The following HIVEP2 variants were observed in gnomAD, a reference collection of about 807,000 sequenced individuals.
HIVEP2 encodes HIVEP zinc finger 2, also known as transcription factor HIVEP2.
A neutral mutation model predicts 180.7 loss-of-function variants in HIVEP2; 14 were observed. The observed-to-expected ratio is 0.08, with a 90% CI of 0.05 to 0.12. The LOEUF (loss-of-function observed/expected upper bound fraction) is 0.12, where lower values mean the gene tolerates loss of function less well. HIVEP2 is among the 10% of genes least tolerant of loss of function. HIVEP2 has a pLI of 1.00. For synonymous variants in HIVEP2, 1,184 were observed against 1,136.4 expected, an observed-to-expected ratio of 1.04 and a Z score of -0.84; for missense variants, 2,579 against 3,008.5, an observed-to-expected ratio of 0.86 and a Z score of 3.34.
At chr6:142,938,864 C>T (rs183347022) in intron 1 of HIVEP2, among the ~76,000 whole-genome samples, 1 of 152,306 alleles carries the variant, frequency 6.6e-6, no homozygotes, top group African/African-American at 2.4e-5. Context: ...ATTTCAAATA[C>T]ACTGCACTAC....
intron 1 of HIVEP2, among the ~76,000 whole-genome samples, chr6:142,846,738 T>C (rs1376768212): frequency 4.6e-5 from 7 of 152,160 alleles, no homozygotes; most frequent in Non-Finnish European, 1.0e-4. Context: ...ACAGAAATAG[T>C]TCAGTAATCA....
intron 1 of HIVEP2, among the ~76,000 whole-genome samples, chr6:142,875,278 C>T (rs540797245): frequency 2.0e-5 from 3 of 152,164 alleles, no homozygotes; most frequent in African/African-American, 7.2e-5. Context: ...CAAAAACAAG[C>T]TCAGCAAGTT....
chr6:142,838,775 C>T (rs879931945), intron 1 of HIVEP2, among the ~76,000 whole-genome samples: 7 of 152,108 alleles, frequency 4.6e-5, no homozygotes, highest in Admixed American at 1.3e-4. Context: ...AACTGACTTA[C>T]GCAAAAGTCT....
chr6:142,765,116 G>T, intron 6 of HIVEP2, 142 bp from the exon 7 acceptor site: 1 of 703,288 alleles, frequency 1.4e-6, no homozygotes, highest in Non-Finnish European at 2.2e-6. Context: ...TACGAAGCCT[G>T]TGAAATTTAT....
chr6:142,785,228 G>A (rs1775961378), intron 2 of HIVEP2, among the ~76,000 whole-genome samples: 2 of 139,130 alleles, frequency 1.4e-5, no homozygotes, highest in Admixed American at 1.6e-4. Context: ...TATCACATCT[G>A]TTTTAAAAAA....
At chr6:142,829,348 C>T (rs761165284) in intron 2 of HIVEP2, among the ~76,000 whole-genome samples, 11 of 152,098 alleles carry the variant, frequency 7.2e-5, no homozygotes, top group Admixed American at 2.0e-4. Context: ...CAACACTTTA[C>T]GTAGGTGAAT....
intron 9 of HIVEP2, among the ~76,000 whole-genome samples, chr6:142,756,016 T>G (rs1775057254): frequency 6.6e-6 from 1 of 152,268 alleles, no homozygotes; most frequent in African/African-American, 2.4e-5. Flanking sequence ...AACTTCCATC[T>G]TACTTAAATC....
intron 1 of HIVEP2, among the ~76,000 whole-genome samples, chr6:142,881,292 A>C (rs2128416617): frequency 6.6e-6 from 1 of 152,344 alleles, no homozygotes; most frequent in East Asian, 1.9e-4. Flanking sequence ...GTGGGCAATT[A>C]GTTGTTTAAA....
intron 2 of HIVEP2, among the ~76,000 whole-genome samples, chr6:142,816,971 C>A (rs1366555016): frequency 6.6e-6 from 1 of 151,980 alleles, no homozygotes; most frequent in African/African-American, 2.4e-5. Context: ...TGAAGAATGA[C>A]AGCTCCTTGA....
chr6:142,909,459 A>G (rs1224847790), intron 1 of HIVEP2, among the ~76,000 whole-genome samples: 2 of 152,216 alleles, frequency 1.3e-5, no homozygotes, highest in African/African-American at 4.8e-5. Flanking sequence ...ATTTAAATAT[A>G]AACTAGGCAG....
chr6:142,835,410 A>G (rs1056603775), intron 2 of HIVEP2, among the ~76,000 whole-genome samples: 18 of 152,186 alleles, frequency 1.2e-4, no homozygotes, highest in African/African-American at 4.3e-4. Flanking sequence ...CTTAACACTT[A>G]GGATACTTTG....
intron 1 of HIVEP2, among the ~76,000 whole-genome samples, chr6:142,907,440 G>T (rs1202253294): frequency 6.6e-6 from 1 of 152,094 alleles, no homozygotes; most frequent in Non-Finnish European, 1.5e-5. Flanking sequence ...AGAATTTGGG[G>T]GAAGAAAGGG....
At chr6:142,936,593 A>G (rs1778061146) in intron 1 of HIVEP2, among the ~76,000 whole-genome samples, 1 of 152,180 alleles carries the variant, frequency 6.6e-6, no homozygotes, top group Non-Finnish European at 1.5e-5. Flanking sequence ...GGTGTCAAAA[A>G]CTACCTTACT....
At chr6:142,873,837 A>G (rs1021870375) in intron 1 of HIVEP2, among the ~76,000 whole-genome samples, 7 of 152,200 alleles carry the variant, frequency 4.6e-5, no homozygotes, top group African/African-American at 1.4e-4. Context: ...TTTTAAGTTG[A>G]CCAATAATTT....
chr6:142,806,556 A>T (rs1165035165), intron 2 of HIVEP2, among the ~76,000 whole-genome samples: 1 of 152,190 alleles, frequency 6.6e-6, no homozygotes, highest in East Asian at 1.9e-4. Context: ...GAATTCTCTA[A>T]TTCAAAAACC....
intron 7 of HIVEP2, among the ~76,000 whole-genome samples, chr6:142,762,752 A>G (rs1775282131): frequency 6.6e-6 from 1 of 152,132 alleles, no homozygotes; most frequent in Non-Finnish European, 1.5e-5. Flanking sequence ...CCACAGTTAA[A>G]ACTGGGACAC....
At position 142,943,837 on chromosome 6, in the gene HIVEP2, C is replaced by A. The variant is rs1475529576; in HGVS notation, c.-641+1262G>T. ...TTCCTGTGTGAATGCTAAGCCATTA[C>A]AGGTGTCCTAAGGCCTCCAGTGAAA... On this transcript the variant is annotated intron_variant, in intron 1 of 9. Transcript: ENST00000367603. This position sits in a 1 kb window ranked among gnomAD's most constrained non-coding sequence, Gnocchi z 4.5. Among the ~76,000 whole-genome samples the A allele has an allele frequency of 6.6e-6, 1 of 152,196 alleles. No individual in the cohort carries two copies. Among genetic ancestry groups the A allele is most frequent in the Non-Finnish European group, 1.5e-5 (1 of 68,030 alleles).
Position 142,760,383 on chromosome 6 carries a change from T to C in HIVEP2, c.5905A>G (p.Ile1969Val). 1.2e-6 allele frequency: 2 copies of C among 1,614,170 alleles called. No individual in the cohort carries two copies. Among genetic ancestry groups the C allele is most frequent in the Non-Finnish European group, 1.7e-6 (2 of 1,180,022 alleles). ...CTTGGCAAAGTAACCAAATAGCTGA[T>C]CAACGAAGAATGTCCCAGGGAACTA... ...SDSSLGHSSLISYLVTLPSIR... is the reference protein window; with the variant it reads ...SDSSLGHSSLVSYLVTLPSIR... Residue 1969 changes from isoleucine to valine, a missense_variant, in exon 9 of 10, where the codon ATC (isoleucine) becomes GTC (valine). Physicochemically the swap from Ile to Val is conservative, Grantham distance 29. Transcript: ENST00000367603.
chr6:142,852,238 TTTTAAC>T (rs1193870851), intron 1 of HIVEP2, among the ~76,000 whole-genome samples: 2 of 152,196 alleles, frequency 1.3e-5, no homozygotes, highest in African/African-American at 4.8e-5. Flanking sequence ...TTAAATTTTG[TTTTAAC>T]TTTATTATTG....
Sources: gnomAD v4.1 joint callset for allele counts (sites outside exome capture counted in the v4.1 genomes callset) on GRCh38, gnomAD v4.1.1 for gene constraint, Gnocchi (gnomAD v3.1) non-coding constraint, MANE v1.5 for transcripts, NCBI Gene and HGNC (gene_info 2026-07-23, HGNC 2026-07-21) for gene names.